ACACB: variants seen among roughly 807,000 people sequenced by gnomAD.
The protein encoded by ACACB is acetyl-CoA carboxylase beta.
A neutral mutation model predicts 278.8 loss-of-function variants in ACACB; 209 were observed. The observed-to-expected ratio is 0.75, with a 90% CI of 0.67 to 0.84. The LOEUF (loss-of-function observed/expected upper bound fraction) is 0.84. ACACB is among the 40% of genes least tolerant of loss of function. The pLI is 0.00. For synonymous variants in ACACB, 1,174 were observed against 1,285.6 expected (o/e 0.91, Z 1.86); for missense variants, 2,850 against 3,269.0 (o/e 0.87, Z 3.13).
At chr12:109,190,415 C>CT (rs752599299) in intron 13 of ACACB, among the ~76,000 whole-genome samples, 31 of 152,134 alleles carry the variant, frequency 2.0e-4, no homozygotes, top group Non-Finnish European at 4.3e-4. Flanking sequence ...AACTGGTGCT[C>CT]TTGGAGATTT....
chr12:109,166,988 G>GAGAAGGTA lies in ACACB; in HGVS notation c.782_786+3dup. 1 of 1,613,978 alleles carries GAGAAGGTA rather than the reference G, an allele frequency of 6.2e-7. No individual in the cohort carries two copies. Among genetic ancestry groups the GAGAAGGTA allele is most frequent in the Non-Finnish European group, 8.5e-7 (1 of 1,179,992 alleles). On this transcript the variant is annotated frameshift_variant, in exon 3 of 53. Coordinates refer to ENST00000338432, the MANE Select transcript of ACACB (RefSeq NM_001093.4). LOFTEE classifies it high-confidence loss of function. ...ACGCTTTGGGGGGGATCGGGTCATC[G>GAGAAGGTA]AGAAGGTACAGATGGGTCTCGGCAC...
intron 1 of ACACB, among the ~76,000 whole-genome samples, chr12:109,118,962 A>G (rs1458170342): frequency 6.6e-6 from 1 of 152,160 alleles, no homozygotes; most frequent in East Asian, 1.9e-4. Context: ...TATTCCAGGA[A>G]TCCAGGGATC....
intron 37 of ACACB, among the ~76,000 whole-genome samples, chr12:109,243,750 G>A (rs1177790690): frequency 6.6e-6 from 1 of 152,028 alleles, no homozygotes; most frequent in Non-Finnish European, 1.5e-5. Context: ...GAACATTTGG[G>A]TGCATTTTCT....
At chr12:109,161,895 AT>A (rs1165124198) in intron 2 of ACACB, among the ~76,000 whole-genome samples, 2 of 151,598 alleles carry the variant, frequency 1.3e-5, no homozygotes, top group East Asian at 1.9e-4. Flanking sequence ...ATACTTTAGC[AT>A]TTTTTTCCCC....
At chr12:109,181,913 T>C (rs758298427) in intron 11 of ACACB, among the ~76,000 whole-genome samples, 7 of 148,998 alleles carry the variant, frequency 4.7e-5, no homozygotes, top group Non-Finnish European at 7.4e-5. Context: ...GGTGCGATCT[T>C]GGCTCACAGC....
At chr12:109,177,870 G>T (rs573357393) in intron 9 of ACACB, among the ~76,000 whole-genome samples, 1 of 152,258 alleles carries the variant, frequency 6.6e-6, no homozygotes, top group African/African-American at 2.4e-5. Context: ...TATTAGAGCA[G>T]TTTTAGGGTC....
chr12:109,113,688 TA>T (rs1456495626), upstream of ACACB, among the ~76,000 whole-genome samples: 15 of 152,372 alleles, frequency 9.8e-5, no homozygotes, highest in African/African-American at 3.6e-4. Flanking sequence ...GCTTCTCATA[TA>T]AAAGTCTTCG....
At chr12:109,124,744 T>A (rs1323210117) in intron 1 of ACACB, among the ~76,000 whole-genome samples, 1 of 152,194 alleles carries the variant, frequency 6.6e-6, no homozygotes, top group Non-Finnish European at 1.5e-5. Context: ...AGACAGGGTC[T>A]CTCTCTGTCA....
intron 2 of ACACB, among the ~76,000 whole-genome samples, chr12:109,148,309 T>C (rs1003675299): frequency 1.3e-5 from 2 of 152,244 alleles, no homozygotes; most frequent in African/African-American, 4.8e-5. Context: ...GATCCCATTT[T>C]GTTGGACAAA....
At chr12:109,133,869 T>A (rs1477146515) in intron 1 of ACACB, among the ~76,000 whole-genome samples, 1,916 of 39,362 alleles carry the variant, frequency 0.049, 7 homozygotes, top group African/African-American at 0.091. Context: ...ATATATTTTT[T>A]TTTTTTTTTT....
intron 2 of ACACB, among the ~76,000 whole-genome samples, chr12:109,162,703 T>C (rs2136134335): frequency 6.6e-6 from 1 of 152,118 alleles, no homozygotes; most frequent in Admixed American, 6.5e-5. Flanking sequence ...AGGCTGACCT[T>C]TACTGTCCAG....
chr12:109,212,744 T>G, intron 21 of ACACB, 92 bp from the exon 22 acceptor site: 1 of 1,044,720 alleles, frequency 9.6e-7, no homozygotes, highest in Non-Finnish European at 1.5e-6. Context: ...CCAGTGCTCG[T>G]TTGGGTACTG....
chr12:109,193,534 A>G (rs2044972784), intron 15 of ACACB, 114 bp from the exon 16 acceptor site: 3 of 826,204 alleles, frequency 3.6e-6, no homozygotes, highest in African/African-American at 1.7e-5. Flanking sequence ...TAGCATTTTT[A>G]GTGCAGTCAG....
intron 28 of ACACB, among the ~76,000 whole-genome samples, chr12:109,232,197 C>T (rs554814389): frequency 3.3e-5 from 5 of 152,220 alleles, no homozygotes; most frequent in Admixed American, 2.0e-4. Context: ...CTGGGAGCAT[C>T]GTTGTCTAAA....
chr12:109,185,156 G>C (rs2044610771), intron 11 of ACACB, among the ~76,000 whole-genome samples: 1 of 152,146 alleles, frequency 6.6e-6, no homozygotes, highest in African/African-American at 2.4e-5. Flanking sequence ...TGATCATTTG[G>C]TTAAGCTGGT....
At chr12:109,155,558 G>A (rs1223011815) in intron 2 of ACACB, among the ~76,000 whole-genome samples, 3 of 151,706 alleles carry the variant, frequency 2.0e-5, no homozygotes, top group Non-Finnish European at 4.4e-5. Context: ...CCCCTGTGAT[G>A]TTTGTTAACA....
At chr12:109,185,817 A>T (rs2044639513) in intron 12 of ACACB, 77 bp downstream of exon 12, 1 of 1,435,240 alleles carries the variant, frequency 7.0e-7, no homozygotes, top group African/African-American at 1.4e-5. Context: ...TTAGCCTGGG[A>T]AGAGACACCC....
rs115879047 is a variant in ACACB at position 109,259,686 on chromosome 12, G to A, written c.6496+578G>A. Among the ~76,000 whole-genome samples the A allele has an allele frequency of 2.6e-3, 396 of 152,282 alleles. 2 individuals carry two copies. Among genetic ancestry groups the A allele is most frequent in the African/African-American group, 9.2e-3 (384 of 41,546 alleles). ...GGGAGGGGCAGCCCCAGGAGCTGCC[G>A]GGTGACCTGGGCAGGCACCTCCCCA... On this transcript the variant is annotated intron_variant, in intron 47 of 52. Coordinates refer to ENST00000338432, the MANE Select transcript of ACACB (RefSeq NM_001093.4).
intron 21 of ACACB, among the ~76,000 whole-genome samples, chr12:109,212,160 G>C (rs1198046026): frequency 6.6e-6 from 1 of 152,142 alleles, no homozygotes; most frequent in Non-Finnish European, 1.5e-5. Flanking sequence ...TTTCAGGGTA[G>C]CTGGAAGGCT....
Sources: gnomAD v4.1 joint callset for allele counts (sites outside exome capture counted in the v4.1 genomes callset) on GRCh38, gnomAD v4.1.1 for gene constraint, MANE v1.5 for transcripts, NCBI Gene and HGNC (gene_info 2026-07-23, HGNC 2026-07-21) for gene names.